The following APPBP2 variants were observed in gnomAD, a reference collection of about 807,000 sequenced individuals.
APPBP2 encodes amyloid protein-binding protein 2.
APPBP2 carries 15 observed loss-of-function variants against 76.0 expected under a neutral mutation model. The observed-to-expected ratio is 0.20, with a 90% CI of 0.13 to 0.30. The LOEUF (loss-of-function observed/expected upper bound fraction) is 0.30, where lower values mean the gene tolerates loss of function less well. Ranked by LOEUF, APPBP2 falls within the 10% of genes least tolerant of loss-of-function variation. The pLI is 1.00. For synonymous variants in APPBP2, 222 were observed against 242.2 expected, an observed-to-expected ratio of 0.92 and a Z score of 0.77; for missense variants, 401 against 687.2, an observed-to-expected ratio of 0.58 and a Z score of 4.66.
At chr17:60,516,158 C>T (rs967995529) in intron 1 of APPBP2, among the ~76,000 whole-genome samples, 1 of 151,368 alleles carries the variant, frequency 6.6e-6, no homozygotes, top group Admixed American at 6.6e-5. Flanking sequence ...GTGAGACTCC[C>T]TCTCAAAAAA....
At chr17:60,504,441 C>G (rs983155062) in intron 1 of APPBP2, among the ~76,000 whole-genome samples, 2 of 152,086 alleles carry the variant, frequency 1.3e-5, no homozygotes, top group African/African-American at 4.8e-5. Context: ...AAAAAAATTA[C>G]TTAATAAAGA....
intron 4 of APPBP2, among the ~76,000 whole-genome samples, chr17:60,477,033 G>A (rs919639887): frequency 2.0e-5 from 3 of 152,202 alleles, no homozygotes; most frequent in Admixed American, 6.5e-5. Flanking sequence ...TAAAAGACAA[G>A]TAATCCAAGA....
At chr17:60,511,238 G>A (rs2090909831) in intron 1 of APPBP2, among the ~76,000 whole-genome samples, 2 of 152,174 alleles carry the variant, frequency 1.3e-5, no homozygotes. Flanking sequence ...ACCAATATGT[G>A]GTGAAAATCG....
intron 3 of APPBP2, among the ~76,000 whole-genome samples, chr17:60,492,922 G>A (rs866024258): frequency 6.6e-6 from 1 of 152,132 alleles, no homozygotes; most frequent in Non-Finnish European, 1.5e-5. Flanking sequence ...TGATTTGGCT[G>A]TGTCCCCACC....
At chr17:60,505,593 G>C (rs2090860240) in intron 1 of APPBP2, among the ~76,000 whole-genome samples, 1 of 151,518 alleles carries the variant, frequency 6.6e-6, no homozygotes, top group South Asian at 2.1e-4. Flanking sequence ...GGGATTAGAG[G>C]TGTGAGCCAT....
In APPBP2 at chr17:60,525,963, T is replaced by TCCTCCTCCC; in HGVS notation, c.-41_-33dup. The TCCTCCTCCC allele has an allele frequency of 6.4e-7, 1 of 1,552,972 alleles. No individual in the cohort carries two copies. Among genetic ancestry groups the TCCTCCTCCC allele is most frequent in the Non-Finnish European group, 8.7e-7 (1 of 1,146,002 alleles). ...TCCCTCCTCCTCCGCCTCCTCCGCC[T>TCCTCCTCCC]CCTCCTCCCGAAGGCCCCCACCTCC... On this transcript the variant is annotated 5_prime_UTR_variant, in exon 1 of 13. Transcript: ENST00000083182.
At chr17:60,511,580 T>C (rs1320377873) in intron 1 of APPBP2, among the ~76,000 whole-genome samples, 8 of 138,102 alleles carry the variant, frequency 5.8e-5, no homozygotes, top group South Asian at 2.1e-4. Flanking sequence ...CAAGACTCCA[T>C]TGAAAAAAAA....
At chr17:60,460,917 TG>T in intron 8 of APPBP2, 130 bp from the exon 9 acceptor site, 1 of 878,800 alleles carries the variant, frequency 1.1e-6, no homozygotes, top group Non-Finnish European at 1.6e-6. Context: ...AAAGTCCTGC[TG>T]TATTTAAATT....
intron 1 of APPBP2, among the ~76,000 whole-genome samples, chr17:60,508,653 C>A (rs1405431836): frequency 6.6e-6 from 1 of 152,134 alleles, no homozygotes; most frequent in Non-Finnish European, 1.5e-5. Context: ...CTAAAGAAGT[C>A]TAGAACATCT....
chr17:60,507,383 G>A (rs915823480), intron 1 of APPBP2, among the ~76,000 whole-genome samples: 3 of 152,086 alleles, frequency 2.0e-5, no homozygotes, highest in Non-Finnish European at 2.9e-5. Flanking sequence ...CACCATGCCC[G>A]GCTAATTTTT....
chr17:60,478,529 TC>T, intron 4 of APPBP2, among the ~76,000 whole-genome samples: 1 of 152,330 alleles, frequency 6.6e-6, no homozygotes, highest in Admixed American at 6.5e-5. Flanking sequence ...TTTCCGAGCA[TC>T]CAGTGTCTAC....
At chr17:60,498,656 T>TG (rs1285090806) in intron 2 of APPBP2, among the ~76,000 whole-genome samples, 1 of 151,698 alleles carries the variant, frequency 6.6e-6, no homozygotes, top group African/African-American at 2.4e-5. Flanking sequence ...AAAACAATAC[T>TG]GGGGGAAAAA....
At chr17:60,507,332 G>A (rs577660644) in intron 1 of APPBP2, among the ~76,000 whole-genome samples, 38 of 151,102 alleles carry the variant, frequency 2.5e-4, no homozygotes, top group South Asian at 4.2e-4. Context: ...AGTGGTTCTC[G>A]TGCCTCAGTC....
Position 60,452,018 on chromosome 17 carries a change from T to C in APPBP2, c.1366A>G (p.Ile456Val). The change falls in exon 12 of 13, where the codon ATT becomes GTT. Residue 456 changes from isoleucine (I) to valine (V), a missense_variant. By Grantham distance (29) the Ile-to-Val change is conservative (BLOSUM62 3). Around this residue, in one of 5 missense-constraint regions of APPBP2, gnomAD observed 130 missense variants for 322.7 expected, o/e 0.40. Coordinates refer to ENST00000083182, the MANE Select transcript of APPBP2 (RefSeq NM_006380.5). ...KEAEEMHIKA[I>V]QIKEQLLGQE... The stretch of plus-strand genomic sequence containing the variant: ...CCAAGAAGTTGTTCTTTAATCTGAA[T>C]TGCTTTGATGTGCATTTCTTCAGCT... The C allele has an allele frequency of 6.2e-7, 1 of 1,613,214 alleles. No homozygotes were observed. Among genetic ancestry groups the C allele is most frequent in the South Asian group, 1.1e-5 (1 of 90,860 alleles).
chr17:60,461,638 C>A (rs1203857878), intron 8 of APPBP2, 172 bp downstream of exon 8: 2 of 494,110 alleles, frequency 4.0e-6, no homozygotes, highest in Non-Finnish European at 7.2e-6. Flanking sequence ...ATTCCCAAAG[C>A]ATTAACTTTT....
At chr17:60,514,881 G>C (rs138688845) in intron 1 of APPBP2, among the ~76,000 whole-genome samples, 3 of 152,036 alleles carry the variant, frequency 2.0e-5, no homozygotes, top group Admixed American at 1.3e-4. Flanking sequence ...TCAGCTCATT[G>C]CAACTGCCAC....
intron 12 of APPBP2, among the ~76,000 whole-genome samples, 200 bp downstream of exon 12, chr17:60,451,680 T>C (rs1252441176): frequency 1.3e-5 from 2 of 152,098 alleles, no homozygotes; most frequent in East Asian, 1.9e-4. Flanking sequence ...GGTTTCACCA[T>C]GTTGGCCAGG....
chr17:60,470,582 A>G (rs570432996), intron 4 of APPBP2, among the ~76,000 whole-genome samples: 10 of 151,130 alleles, frequency 6.6e-5, no homozygotes, highest in Non-Finnish European at 1.3e-4. Flanking sequence ...TTATTAATTA[A>G]TTAATTAAAT....
chr17:60,456,182 C>T (rs760815496), intron 10 of APPBP2, 114 bp downstream of exon 10: 2 of 732,752 alleles, frequency 2.7e-6, no homozygotes, highest in Non-Finnish European at 4.6e-6. Context: ...TACATAGACA[C>T]CGTCAAATCC....
Sources: allele counts gnomAD v4.1 joint callset (sites outside exome capture counted in the v4.1 genomes callset), GRCh38; gene constraint gnomAD v4.1.1; regional missense constraint gnomAD v4.1.1; transcripts MANE v1.5; gene names NCBI Gene and HGNC (gene_info 2026-07-23, HGNC 2026-07-21).